The following CCDC125 variants were observed in gnomAD, a reference collection of about 807,000 sequenced individuals.
CCDC125 encodes coiled-coil domain-containing protein 125.
In CCDC125, 43 loss-of-function variants were observed where a neutral mutation model predicts 57.4. The observed-to-expected ratio is 0.75, with a 90% CI of 0.59 to 0.97. The LOEUF (loss-of-function observed/expected upper bound fraction) is 0.97, where lower values mean the gene tolerates loss of function less well. CCDC125 is among the 50% of genes least tolerant of loss of function. The pLI is 0.00. For synonymous variants in CCDC125, 187 were observed against 195.2 expected, an observed-to-expected ratio of 0.96 and a Z score of 0.35; for missense variants, 563 against 595.7, an observed-to-expected ratio of 0.95 and a Z score of 0.57.
At chr5:69,277,871 T>C (rs1027345033), downstream of CCDC125, among the ~76,000 whole-genome samples, 2 of 152,078 alleles carry the variant, frequency 1.3e-5, no homozygotes, top group African/African-American at 2.4e-5. Context: ...ACAGATAAAA[T>C]TGAGATTCCC....
intron 2 of CCDC125, among the ~76,000 whole-genome samples, chr5:69,318,034 C>T (rs1254873214): frequency 7.6e-6 from 1 of 130,936 alleles, no homozygotes; most frequent in Non-Finnish European, 1.5e-5. Context: ...CAGGCTGGAG[C>T]GCAGTGGTGC....
rs189083350 is a variant in CCDC125 at position 69,281,667 on chromosome 5, T to A, written c.*1062A>T. The A allele has an allele frequency of 6.6e-6, 1 of 152,258 alleles. No individual in the cohort carries two copies. Among genetic ancestry groups the A allele is most frequent in the East Asian group, 1.9e-4 (1 of 5,186 alleles). The allele number at this position is 152,258 out of a possible 1,614,324, so 9.4% of individuals were successfully genotyped here. A position where few individuals can be genotyped will look rare whatever the true frequency, so the allele number is the denominator to read the frequency against. On this transcript the variant is annotated 3_prime_UTR_variant, in exon 12 of 12. Coordinates refer to ENST00000396496, the MANE Select transcript of CCDC125 (RefSeq NM_176816.5). ...TTATTTCTAAACTTCATATGGTAAA[T>A]GAAAAATACTGAACAAGGCAAATAA...
At chr5:69,292,433 A>G in intron 9 of CCDC125, 71 bp from the exon 10 acceptor site, 1 of 1,146,168 alleles carries the variant, frequency 8.7e-7, no homozygotes, top group Non-Finnish European at 1.3e-6. Context: ...TGGGGAATCA[A>G]ATTAACATAT....
At chr5:69,312,888 T>C (rs576526035) in intron 3 of CCDC125, among the ~76,000 whole-genome samples, 1 of 152,292 alleles carries the variant, frequency 6.6e-6, no homozygotes, top group South Asian at 2.1e-4. Context: ...AGTCTCTTAC[T>C]GGTCCTGCTT....
chr5:69,326,245 T>A (rs961559899), intron 1 of CCDC125, among the ~76,000 whole-genome samples: 5 of 152,216 alleles, frequency 3.3e-5, no homozygotes, highest in African/African-American at 1.2e-4. Context: ...GTATACCAAG[T>A]TTCTATTATT....
chr5:69,274,426 G>C, the CCDC125 span, among the ~76,000 whole-genome samples: 2 of 152,126 alleles, frequency 1.3e-5, no homozygotes, highest in Non-Finnish European at 2.9e-5. Flanking sequence ...CTTGAGCCCA[G>C]GAGTTGGAGC....
chr5:69,314,151 T>C, intron 2 of CCDC125, 105 bp from the exon 3 acceptor site: 3 of 786,040 alleles, frequency 3.8e-6, no homozygotes, highest in East Asian at 5.1e-5. Flanking sequence ...AGGTATCCCC[T>C]AAATTGCAAA....
chr5:69,316,357 A>C (rs1237902568), intron 2 of CCDC125, among the ~76,000 whole-genome samples: 1 of 152,212 alleles, frequency 6.6e-6, no homozygotes, highest in Non-Finnish European at 1.5e-5. Flanking sequence ...TATACATGAA[A>C]GAGGGAGACG....
chr5:69,303,787 A>C, intron 7 of CCDC125, 60 bp downstream of exon 7: 1 of 997,536 alleles, frequency 1.0e-6, no homozygotes, highest in East Asian at 2.4e-5. Context: ...ATATTATTTC[A>C]AAATACTAGC....
At chr5:69,274,222 T>A in the CCDC125 span, among the ~76,000 whole-genome samples, 2 of 152,364 alleles carry the variant, frequency 1.3e-5, no homozygotes, top group East Asian at 3.9e-4. Flanking sequence ...GTTTTTAAAG[T>A]GAGTTTTGTT....
intron 1 of CCDC125, among the ~76,000 whole-genome samples, chr5:69,331,418 G>A (rs967171491): frequency 7.9e-5 from 12 of 151,932 alleles, no homozygotes; most frequent in Non-Finnish European, 1.8e-4. Flanking sequence ...TTTTTGTAGA[G>A]ACGGGGTTTC....
chr5:69,296,950 C>G (rs906612057), intron 8 of CCDC125, among the ~76,000 whole-genome samples: 1 of 152,188 alleles, frequency 6.6e-6, no homozygotes, highest in Non-Finnish European at 1.5e-5. Flanking sequence ...GGCAACAGAG[C>G]AAGACTCTGT....
intron 7 of CCDC125, among the ~76,000 whole-genome samples, chr5:69,301,796 T>G (rs1250102359): frequency 6.7e-6 from 1 of 150,218 alleles, no homozygotes; most frequent in Non-Finnish European, 1.5e-5. Context: ...ACTCAGGAAG[T>G]GGAGGCAGGA....
Position 69,320,613 on chromosome 5 carries a change from A to T in CCDC125, c.-40-33T>A, listed in dbSNP as rs1365224405. ...TAAGAAAAACAGTAGTTAGGAAAAC[A>T]TCAGTAGATCCAGCAACCCCACCTC... On this transcript the variant is annotated intron_variant, in intron 1 of 11. Coordinates refer to ENST00000396496, the MANE Select transcript of CCDC125 (RefSeq NM_176816.5). 7 of 971,090 alleles carry T rather than the reference A, an allele frequency of 7.2e-6. No homozygotes were observed. In the African/African-American group the frequency reaches 1.1e-4, roughly 16 times the overall value. 60.2% of individuals were successfully genotyped at this position (971,090 alleles called of 1,614,324 possible).
intron 11 of CCDC125, among the ~76,000 whole-genome samples, chr5:69,283,932 C>T (rs1248870277): frequency 6.6e-6 from 1 of 151,700 alleles, no homozygotes; most frequent in Non-Finnish European, 1.5e-5. Flanking sequence ...CTAGGGACTA[C>T]AGGTGCCAGC....
At chr5:69,285,861 T>C (rs1159560876) in intron 10 of CCDC125, among the ~76,000 whole-genome samples, 1 of 152,182 alleles carries the variant, frequency 6.6e-6, no homozygotes, top group African/African-American at 2.4e-5. Context: ...ACAGGGGGCC[T>C]CTGAGCCATG....
intron 7 of CCDC125, among the ~76,000 whole-genome samples, chr5:69,301,326 A>G (rs1756405010): frequency 6.6e-6 from 1 of 152,026 alleles, no homozygotes; most frequent in Non-Finnish European, 1.5e-5. Context: ...AAGAAGGAAG[A>G]ACTAGCCTCT....
intron 7 of CCDC125, among the ~76,000 whole-genome samples, chr5:69,301,875 C>T (rs1157569043): frequency 1.3e-5 from 2 of 150,742 alleles, no homozygotes; most frequent in Non-Finnish European, 3.0e-5. Context: ...CCAGCCTGGG[C>T]GACAGAGTGA....
intron 6 of CCDC125, among the ~76,000 whole-genome samples, chr5:69,305,486 T>C (rs999761149): frequency 1.3e-5 from 2 of 152,132 alleles, no homozygotes; most frequent in Non-Finnish European, 2.9e-5. Flanking sequence ...ATGCTGGGAT[T>C]ATGTAGAGAG....
Sources: allele counts gnomAD v4.1 joint callset (sites outside exome capture counted in the v4.1 genomes callset), GRCh38; gene constraint gnomAD v4.1.1; transcripts MANE v1.5; gene names NCBI Gene and HGNC (gene_info 2026-07-23, HGNC 2026-07-21).